LEF1: variants seen among roughly 807,000 people sequenced by gnomAD.
LEF1 encodes the protein lymphoid enhancer-binding factor 1.
In LEF1, 14 loss-of-function variants were observed where a neutral mutation model predicts 51.2. The ratio of observed to expected loss-of-function variants is 0.27; its 90% CI spans 0.18 to 0.43. The LOEUF (loss-of-function observed/expected upper bound fraction) is 0.43. Ranked by LOEUF, LEF1 falls within the 20% of genes least tolerant of loss-of-function variation. The pLI is 1.00. For synonymous variants in LEF1, 185 were observed against 183.2 expected (o/e 1.01, Z -0.08); for missense variants, 386 against 512.0 (o/e 0.75, Z 2.37).
chr4:108,088,274 T>A (rs766267573), intron 4 of LEF1, among the ~76,000 whole-genome samples: 5 of 152,212 alleles, frequency 3.3e-5, no homozygotes, highest in Non-Finnish European at 7.3e-5. Context: ...AGGGGTAAAA[T>A]GTAGGCAGTG....
At chr4:108,080,251 T>TA (rs940409433) in intron 6 of LEF1, among the ~76,000 whole-genome samples, 2 of 151,986 alleles carry the variant, frequency 1.3e-5, no homozygotes, top group African/African-American at 4.8e-5. Flanking sequence ...TGAACAGCAT[T>TA]AAAAAAAATC....
intron 3 of LEF1, among the ~76,000 whole-genome samples, chr4:108,156,859 G>T (rs1328972202): frequency 6.6e-6 from 1 of 151,734 alleles, no homozygotes; most frequent in Non-Finnish European, 1.5e-5. Flanking sequence ...GAAGGGTGAG[G>T]GGGTAGGAGG....
chr4:108,099,567 T>C (rs1392863761), intron 3 of LEF1, among the ~76,000 whole-genome samples: 1 of 80,428 alleles, frequency 1.2e-5, no homozygotes, highest in African/African-American at 5.2e-5. Flanking sequence ...TGTGTGTGTG[T>C]GTGTATATAT....
In LEF1 at chr4:108,076,243, T is replaced by C. The variant is rs529419217; in HGVS notation, c.1008+1977A>G. Among the ~76,000 whole-genome samples, 294 of 152,354 alleles carry C rather than the reference T, an allele frequency of 1.9e-3. 1 individual carries two copies. Among genetic ancestry groups the C allele is most frequent in the African/African-American group, 6.8e-3 (281 of 41,578 alleles). On this transcript the variant is annotated intron_variant, in intron 8 of 11. Coordinates refer to ENST00000265165, the MANE Select transcript of LEF1 (RefSeq NM_016269.5). ...TTTATCATAATTTTTATTACATATT[T>C]ATTGGCTATTTATTTGTCTAATGTC...
intron 3 of LEF1, among the ~76,000 whole-genome samples, chr4:108,116,478 C>T (rs1437350422): frequency 6.6e-6 from 1 of 152,188 alleles, no homozygotes; most frequent in Non-Finnish European, 1.5e-5. Flanking sequence ...GCTGTGATTG[C>T]ACCACTGTAC....
At chr4:108,079,366 AAGG>A in intron 7 of LEF1, 123 bp downstream of exon 7, 1 of 1,075,562 alleles carries the variant, frequency 9.3e-7, no homozygotes, top group Non-Finnish European at 1.4e-6. Flanking sequence ...CAGAGTTTTC[AAGG>A]CAGAGGTGCA....
intron 11 of LEF1, among the ~76,000 whole-genome samples, chr4:108,051,537 C>T (rs1736990014): frequency 6.6e-6 from 1 of 152,206 alleles, no homozygotes; most frequent in South Asian, 2.1e-4. Flanking sequence ...AGGCGAGCCC[C>T]GGCACAGCCC....
chr4:108,075,849 C>A (rs1438645368), intron 8 of LEF1, among the ~76,000 whole-genome samples: 1 of 152,142 alleles, frequency 6.6e-6, no homozygotes, highest in East Asian at 1.9e-4. Context: ...AACCCAGAAA[C>A]CTGGCAGGTG....
chr4:108,152,446 G>A (rs924698621), intron 3 of LEF1, among the ~76,000 whole-genome samples: 7 of 152,180 alleles, frequency 4.6e-5, no homozygotes, highest in Non-Finnish European at 8.8e-5. Flanking sequence ...CAAGGCACTC[G>A]GGGAGAAAAC....
chr4:108,161,017 G>A (rs373211683), intron 3 of LEF1, among the ~76,000 whole-genome samples: 54 of 152,156 alleles, frequency 3.5e-4, no homozygotes, highest in African/African-American at 1.3e-3. Flanking sequence ...CCCATCCTAA[G>A]CCCAAACACA....
intron 3 of LEF1, among the ~76,000 whole-genome samples, chr4:108,144,794 T>G (rs1370535369): frequency 1.5e-5 from 2 of 136,534 alleles, no homozygotes; most frequent in East Asian, 4.4e-4. Context: ...CACAGCTCAG[T>G]GTGCAGCAAA....
chr4:108,053,863 T>C (rs1174925951), intron 11 of LEF1, among the ~76,000 whole-genome samples: 2 of 152,204 alleles, frequency 1.3e-5, no homozygotes, highest in Non-Finnish European at 2.9e-5. Context: ...GGGTAATAAC[T>C]AGCTAGGTAG....
chr4:108,158,513 T>C (rs1433103360), intron 3 of LEF1, among the ~76,000 whole-genome samples: 1 of 152,202 alleles, frequency 6.6e-6, no homozygotes, highest in Non-Finnish European at 1.5e-5. Flanking sequence ...AAAACATATA[T>C]GTTTTTCTGC....
intron 3 of LEF1, among the ~76,000 whole-genome samples, chr4:108,113,969 A>AGTTT (rs748271282): frequency 3.9e-5 from 6 of 152,178 alleles, no homozygotes; most frequent in Admixed American, 6.6e-5. Context: ...AATAAAAAAT[A>AGTTT]AACACATAAG....
chr4:108,100,637 G>A (rs1740758366), intron 3 of LEF1, among the ~76,000 whole-genome samples: 1 of 152,114 alleles, frequency 6.6e-6, no homozygotes, highest in Non-Finnish European at 1.5e-5. Flanking sequence ...TAGTGTCCAG[G>A]AGCCGGCTTG....
chr4:108,120,031 G>A (rs4643888), intron 3 of LEF1, among the ~76,000 whole-genome samples: 89,862 of 144,996 alleles, frequency 0.62, 27,241 homozygotes, highest in Middle Eastern at 0.76. Flanking sequence ...GTGTGTGTGT[G>A]TATGTATGTA....
intron 3 of LEF1, among the ~76,000 whole-genome samples, chr4:108,131,060 C>T (rs1742854908): frequency 6.6e-6 from 1 of 151,820 alleles, no homozygotes; most frequent in South Asian, 2.1e-4. Context: ...AGGCTGAATT[C>T]AAACTCCTGG....
intron 11 of LEF1, among the ~76,000 whole-genome samples, chr4:108,049,615 G>A (rs1057455554): frequency 1.2e-4 from 19 of 152,212 alleles, no homozygotes; most frequent in Admixed American, 1.0e-3. Context: ...TGGTGGCAGC[G>A]ATGCTGGAAG....
Position 108,063,653 on chromosome 4 carries a change from T to C in LEF1, c.1176A>G (p.Pro392=), listed in dbSNP as rs1162333528. The C allele has an allele frequency of 1.9e-6, 3 of 1,598,288 alleles. No homozygotes were observed. Among genetic ancestry groups the C allele is most frequent in the East Asian group, 2.3e-5 (1 of 44,292 alleles). ...TTCAGATGTAGGCAGCTGTCATTCT[T>C]GGACCTGTACCTGCAGAAAATTGTG... ...KLQESASGTG[P]RMTAAYI Residue 392 remains proline, a synonymous_variant, in exon 11 of 12, where the codon CCA becomes CCG. Transcript: ENST00000265165.
Sources: allele counts gnomAD v4.1 joint callset (sites outside exome capture counted in the v4.1 genomes callset), GRCh38; gene constraint gnomAD v4.1.1; transcripts MANE v1.5; gene names NCBI Gene and HGNC (gene_info 2026-07-23, HGNC 2026-07-21).